ASTN2: variants seen among roughly 807,000 people sequenced by gnomAD.
ASTN2 encodes astrotactin 2.
A neutral mutation model predicts 139.8 loss-of-function variants in ASTN2; 54 were observed. The observed-to-expected ratio is 0.39, with a 90% CI of 0.31 to 0.48. ASTN2 has a LOEUF of 0.48. ASTN2 is among the 20% of genes least tolerant of loss of function. The pLI is 0.95. For synonymous variants in ASTN2, 756 were observed against 719.5 expected, an observed-to-expected ratio of 1.05 and a Z score of -0.81; for missense variants, 1,565 against 1,725.1, an observed-to-expected ratio of 0.91 and a Z score of 1.64.
intron 19 of ASTN2, among the ~76,000 whole-genome samples, chr9:116,503,069 G>A (rs1849951759): frequency 6.7e-6 from 1 of 149,394 alleles, no homozygotes; most frequent in Non-Finnish European, 1.5e-5. Flanking sequence ...AAGGAAGGAA[G>A]GAAGGAGGGA....
chr9:116,814,675 C>A (rs1350317388), intron 12 of ASTN2, among the ~76,000 whole-genome samples: 2 of 152,270 alleles, frequency 1.3e-5, no homozygotes, highest in Admixed American at 6.5e-5. Context: ...ATATGTTTCT[C>A]CACTGCATGA....
intron 1 of ASTN2, among the ~76,000 whole-genome samples, chr9:117,334,692 ACTCTT>A (rs1239257450): frequency 1.3e-5 from 2 of 151,760 alleles, no homozygotes; most frequent in Admixed American, 6.6e-5. Flanking sequence ...CCTGTGGCTC[ACTCTT>A]CTCATTTTTC....
intron 2 of ASTN2, among the ~76,000 whole-genome samples, chr9:117,228,734 G>A (rs1832793268): frequency 6.6e-6 from 1 of 152,108 alleles, no homozygotes; most frequent in South Asian, 2.1e-4. Context: ...TGGAGTTCAG[G>A]CCAGTCTTGG....
intron 1 of ASTN2, among the ~76,000 whole-genome samples, chr9:117,372,764 T>C (rs1204760684): frequency 6.6e-6 from 1 of 152,158 alleles, no homozygotes; most frequent in Admixed American, 6.5e-5. Flanking sequence ...CCCTTAGGGT[T>C]TGCAGCTTGT....
chr9:116,916,745 T>C (rs1834459609), intron 10 of ASTN2, among the ~76,000 whole-genome samples: 1 of 152,030 alleles, frequency 6.6e-6, no homozygotes, highest in African/African-American at 2.4e-5. Context: ...GAGGCTGAGA[T>C]TGCTTGAGCC....
At chr9:117,403,220 C>T (rs1830887266) in intron 1 of ASTN2, among the ~76,000 whole-genome samples, 1 of 152,128 alleles carries the variant, frequency 6.6e-6, no homozygotes, top group African/African-American at 2.4e-5. Flanking sequence ...TGAGGAAAGC[C>T]TGGGTTAAAT....
chr9:116,528,480 G>T (rs1055913667), intron 19 of ASTN2, among the ~76,000 whole-genome samples: 17 of 152,146 alleles, frequency 1.1e-4, no homozygotes, highest in African/African-American at 4.1e-4. Flanking sequence ...TAAAAGAGAA[G>T]CAAAGCATAA....
intron 16 of ASTN2, among the ~76,000 whole-genome samples, chr9:116,696,964 A>G (rs1444478286): frequency 6.6e-6 from 1 of 151,596 alleles, no homozygotes. Context: ...AAAAAAAAAA[A>G]AAGCCTCCAC....
chr9:117,158,408 A>G (rs771883626), intron 3 of ASTN2, among the ~76,000 whole-genome samples: 6 of 152,116 alleles, frequency 3.9e-5, no homozygotes, highest in African/African-American at 1.4e-4. Flanking sequence ...GGAATGCTAT[A>G]TAAGTATGAT....
intron 4 of ASTN2, among the ~76,000 whole-genome samples, chr9:117,103,627 C>T (rs570177384): frequency 4.9e-4 from 75 of 152,304 alleles, no homozygotes; most frequent in African/African-American, 1.7e-3. Flanking sequence ...CTCCACACTC[C>T]ATCTCCTGCT....
chr9:116,577,962 G>A (rs1425726468), intron 19 of ASTN2, among the ~76,000 whole-genome samples: 3 of 152,096 alleles, frequency 2.0e-5, no homozygotes, highest in Non-Finnish European at 4.4e-5. Flanking sequence ...AGATCATTGG[G>A]GGATGCAAGA....
At chr9:116,598,842 A>G (rs1225416820) in intron 19 of ASTN2, among the ~76,000 whole-genome samples, 1 of 152,236 alleles carries the variant, frequency 6.6e-6, no homozygotes, top group East Asian at 1.9e-4. Context: ...AGATACCTTC[A>G]CAGAGCTAGG....
In ASTN2 at chr9:117,414,851, G is replaced by T; in HGVS notation, c.88C>A (p.Pro30Thr). ...PRLCFHPGPP[P>T]LLPLLLLFLL... Reference sequence around the variant, plus strand: ...AACAGCAGCAGCAGCGGCAGCAGTGGCGGCGGCCCCGGGTGGAAGCAGAGC... The same window carrying T: ...AACAGCAGCAGCAGCGGCAGCAGTGTCGGCGGCCCCGGGTGGAAGCAGAGC... Residue 30 changes from proline to threonine, a missense_variant, in exon 1 of 23, where the codon CCA (proline) becomes ACA (threonine). Pro to Thr is a conservative substitution (Grantham distance 38). Around this residue, in one of 4 missense-constraint regions of ASTN2, gnomAD observed 596 missense variants for 576.8 expected, o/e 1.03. Transcript: ENST00000313400. This position sits in a 1 kb window ranked among gnomAD's most constrained non-coding sequence, Gnocchi z 4.2. The T allele has an allele frequency of 8.9e-7, 1 of 1,126,960 alleles. No individual in the cohort carries two copies. 69.8% of individuals were successfully genotyped at this position (1,126,960 alleles called of 1,614,324 possible).
chr9:117,259,178 T>G (rs531659880), intron 2 of ASTN2, among the ~76,000 whole-genome samples: 1 of 152,128 alleles, frequency 6.6e-6, no homozygotes, highest in Non-Finnish European at 1.5e-5. Flanking sequence ...TCCTGGGGCT[T>G]CACCTCTCTG....
At chr9:117,187,065 G>A (rs560303253) in intron 3 of ASTN2, among the ~76,000 whole-genome samples, 1 of 152,194 alleles carries the variant, frequency 6.6e-6, no homozygotes, top group African/African-American at 2.4e-5. Context: ...CAAGGCAGAG[G>A]TCACAGTGAG....
At chr9:117,355,831 G>A (rs1388243727) in intron 1 of ASTN2, among the ~76,000 whole-genome samples, 5 of 152,186 alleles carry the variant, frequency 3.3e-5, no homozygotes, top group African/African-American at 1.2e-4. Flanking sequence ...CATGCTGGGG[G>A]ACATGGGAGC....
chr9:116,775,758 G>C (rs957803286), intron 13 of ASTN2, among the ~76,000 whole-genome samples: 1 of 126,758 alleles, frequency 7.9e-6, no homozygotes, highest in African/African-American at 2.9e-5. Context: ...GAAGGAGGGA[G>C]GGAGGAGGAA....
chr9:117,172,812 G>T (rs1037481552), intron 3 of ASTN2, among the ~76,000 whole-genome samples: 7 of 152,106 alleles, frequency 4.6e-5, no homozygotes, highest in Non-Finnish European at 1.0e-4. Context: ...ATGCTTAAAA[G>T]AAAACACTGG....
At chr9:117,254,844 G>C (rs1833640613) in intron 2 of ASTN2, among the ~76,000 whole-genome samples, 1 of 151,734 alleles carries the variant, frequency 6.6e-6, no homozygotes, top group East Asian at 1.9e-4. Context: ...AGTCCTTTCT[G>C]TTCCTTTCCA....
Sources: allele counts gnomAD v4.1 joint callset (sites outside exome capture counted in the v4.1 genomes callset), GRCh38; gene constraint gnomAD v4.1.1; regional missense constraint gnomAD v4.1.1; non-coding constraint Gnocchi (gnomAD v3.1); transcripts MANE v1.5; gene names NCBI Gene and HGNC (gene_info 2026-07-23, HGNC 2026-07-21).